AGBL4: variants seen among roughly 807,000 people sequenced by gnomAD.
AGBL4 encodes AGBL carboxypeptidase 4.
In AGBL4, 58 loss-of-function variants were observed where a neutral mutation model predicts 66.4. The ratio of observed to expected loss-of-function variants is 0.87; its 90% confidence interval spans 0.71 to 1.09. The LOEUF is 1.09. Among genes scored for constraint, AGBL4 ranks in the 50% least tolerant of loss-of-function variants. The probability of loss-of-function intolerance (pLI) is 0.00; values close to 1 mark genes in which losing one functional copy is unlikely to be tolerated. For synonymous variants in AGBL4, 234 were observed against 222.9 expected (o/e 1.05, Z -0.44); for missense variants, 579 against 631.0 (o/e 0.92, Z 0.88).
At chr1:49,173,008 A>G (rs1482996131) in intron 4 of AGBL4, among the ~76,000 whole-genome samples, 1 of 152,022 alleles carries the variant, frequency 6.6e-6, no homozygotes, top group Non-Finnish European at 1.5e-5. Flanking sequence ...AATCCCAGCT[A>G]CTTGGGAGGC....
At chr1:49,853,928 C>T (rs1288623429) in intron 1 of AGBL4, among the ~76,000 whole-genome samples, 1 of 151,762 alleles carries the variant, frequency 6.6e-6, no homozygotes, top group South Asian at 2.1e-4. Context: ...TAAGAAACGC[C>T]AACAATAGTT....
intron 6 of AGBL4, among the ~76,000 whole-genome samples, chr1:48,702,066 C>T (rs1281819350): frequency 6.6e-6 from 1 of 152,118 alleles, no homozygotes; most frequent in Non-Finnish European, 1.5e-5. Flanking sequence ...GTAATTTCAG[C>T]ACTCCACCTC....
In AGBL4 at chr1:49,485,221, T is replaced by C. The variant is rs376580612; in HGVS notation, c.282+212092A>G. Among the ~76,000 whole-genome samples, 60 of 151,996 alleles carry C rather than the reference T, an allele frequency of 3.9e-4. 1 individual carries two copies. The East Asian group carries it at 0.011, about 28-fold the overall frequency. The stretch of plus-strand genomic sequence containing the variant: ...TGGAACCAACCCAAATGTCCAACAA[T>C]GATAGACTGGATTAAGAAAATATGG... On this transcript the variant is annotated intron_variant, in intron 3 of 13. Coordinates refer to ENST00000371839, the MANE Select transcript of AGBL4 (RefSeq NM_032785.4).
intron 6 of AGBL4, chr1:48,759,279 A>G: frequency 6.4e-7 from 1 of 1,554,808 alleles, no homozygotes; most frequent in Non-Finnish European, 8.7e-7. Context: ...TCCGCCCCTC[A>G]GGTCTCTGTG....
At chr1:49,889,250 G>T (rs951772716) in intron 1 of AGBL4, among the ~76,000 whole-genome samples, 1 of 152,072 alleles carries the variant, frequency 6.6e-6, no homozygotes, top group Non-Finnish European at 1.5e-5. Context: ...GAGGCAGGAG[G>T]TTCACTTGAG....
At chr1:49,481,690 C>G (rs1646958908) in intron 3 of AGBL4, among the ~76,000 whole-genome samples, 1 of 151,772 alleles carries the variant, frequency 6.6e-6, no homozygotes, top group African/African-American at 2.4e-5. Context: ...AGAGGGCATC[C>G]TTGTCTTATG....
chr1:49,749,709 CA>C (rs1651296118), intron 2 of AGBL4, among the ~76,000 whole-genome samples: 1 of 151,988 alleles, frequency 6.6e-6, no homozygotes, highest in Non-Finnish European at 1.5e-5. Context: ...AAGAGATGTC[CA>C]AGTCTTCTAC....
intron 3 of AGBL4, among the ~76,000 whole-genome samples, chr1:49,578,906 G>A (rs894875607): frequency 6.6e-6 from 1 of 152,182 alleles, no homozygotes; most frequent in African/African-American, 2.4e-5. Context: ...TATCTGTGAA[G>A]GTGTTGCCAA....
At chr1:49,575,434 T>G (rs974498645) in intron 3 of AGBL4, among the ~76,000 whole-genome samples, 7 of 152,130 alleles carry the variant, frequency 4.6e-5, no homozygotes, top group Admixed American at 1.3e-4. Flanking sequence ...ATGGAAGCCA[T>G]TAGAGCTGCC....
At chr1:49,464,905 T>G (rs894606973) in intron 3 of AGBL4, among the ~76,000 whole-genome samples, 1 of 151,526 alleles carries the variant, frequency 6.6e-6, no homozygotes, top group Non-Finnish European at 1.5e-5. Flanking sequence ...ACCCAACAAC[T>G]ACCACCCTCT....
At chr1:48,646,396 C>T (rs1645835315) in intron 8 of AGBL4, among the ~76,000 whole-genome samples, 1 of 152,072 alleles carries the variant, frequency 6.6e-6, no homozygotes, top group Non-Finnish European at 1.5e-5. Context: ...ACAAATAGAA[C>T]ATTGACATGT....
chr1:48,689,643 A>G (rs1038901820), intron 6 of AGBL4, among the ~76,000 whole-genome samples: 6 of 152,208 alleles, frequency 3.9e-5, no homozygotes, highest in African/African-American at 1.4e-4. Context: ...AAGGGAACTT[A>G]TCACACCATG....
At chr1:48,749,682 G>A (rs962293929) in intron 6 of AGBL4, among the ~76,000 whole-genome samples, 9 of 152,182 alleles carry the variant, frequency 5.9e-5, no homozygotes, top group Non-Finnish European at 1.3e-4. Flanking sequence ...GAGGGGTGCG[G>A]TGGAAGGGGA....
chr1:49,980,584 C>T (rs1030093117), intron 1 of AGBL4, among the ~76,000 whole-genome samples: 2 of 152,050 alleles, frequency 1.3e-5, no homozygotes, highest in African/African-American at 4.8e-5. Context: ...CCATGTTGTA[C>T]CATGTGACAG....
chr1:49,388,370 C>G (rs1009970404), intron 3 of AGBL4, among the ~76,000 whole-genome samples: 1 of 150,344 alleles, frequency 6.7e-6, no homozygotes, highest in African/African-American at 2.4e-5. Flanking sequence ...ACTTAATGTA[C>G]AAAAAAAAAT....
intron 3 of AGBL4, among the ~76,000 whole-genome samples, chr1:49,649,437 T>C (rs1176328226): frequency 1.3e-5 from 2 of 152,180 alleles, no homozygotes; most frequent in Non-Finnish European, 2.9e-5. Context: ...TTAATGTGTA[T>C]GTATCTAACA....
chr1:49,743,511 T>G (rs1000285582), intron 2 of AGBL4, among the ~76,000 whole-genome samples: 8 of 152,306 alleles, frequency 5.3e-5, no homozygotes, highest in Non-Finnish European at 1.0e-4. Flanking sequence ...CTCAGGGATC[T>G]AGAACTAGAA....
At chr1:49,739,308 A>T (rs1346540871) in intron 2 of AGBL4, among the ~76,000 whole-genome samples, 1 of 152,202 alleles carries the variant, frequency 6.6e-6, no homozygotes, top group African/African-American at 2.4e-5. Context: ...GGTATCAGTG[A>T]TGGAAGATCA....
chr1:49,409,149 G>GCTCTCTTTCT (rs1645264762), intron 3 of AGBL4, among the ~76,000 whole-genome samples: 1 of 145,976 alleles, frequency 6.9e-6, no homozygotes, highest in Admixed American at 6.8e-5. Context: ...ACTCTCTCTG[G>GCTCTCTTTCT]CTCTCTCTCT....
Sources: gnomAD v4.1 joint callset for allele counts (sites outside exome capture counted in the v4.1 genomes callset) on GRCh38, gnomAD v4.1.1 for gene constraint, MANE v1.5 for transcripts, NCBI Gene and HGNC (gene_info 2026-07-23, HGNC 2026-07-21) for gene names.